Variants in GPHN observed in about 807,000 individuals in gnomAD.
GPHN encodes the protein gephyrin.
Under a neutral mutation model 95.5 loss-of-function variants are expected in GPHN, and 17 were observed. The ratio of observed to expected loss-of-function variants is 0.18; its 90% CI spans 0.12 to 0.27. The LOEUF is 0.27. Ranked by LOEUF, GPHN falls within the 10% of genes least tolerant of loss-of-function variation. The pLI, the probability that GPHN is intolerant of heterozygous loss-of-function variation, is 1.00. For synonymous variants in GPHN, 320 were observed against 322.5 expected (o/e 0.99, Z 0.08); for missense variants, 660 against 978.1 (o/e 0.67, Z 4.34).
At chr14:67,008,182 T>C (rs2072732840) in intron 9 of GPHN, among the ~76,000 whole-genome samples, 1 of 152,074 alleles carries the variant, frequency 6.6e-6, no homozygotes, top group East Asian at 1.9e-4. Context: ...CGACCAGGCG[T>C]GGTGGCTCAT....
intron 4 of GPHN, among the ~76,000 whole-genome samples, chr14:66,829,016 C>T (rs1353943406): frequency 1.3e-5 from 2 of 151,102 alleles, no homozygotes; most frequent in Admixed American, 6.6e-5. Flanking sequence ...TGATAATTCT[C>T]ACTCATCAAC....
At chr14:67,114,552 T>C (rs536271544) in intron 16 of GPHN, among the ~76,000 whole-genome samples, 1 of 152,116 alleles carries the variant, frequency 6.6e-6, no homozygotes, top group South Asian at 2.1e-4. Context: ...TAGCTATGCA[T>C]GGTAGCACAT....
intron 1 of GPHN, among the ~76,000 whole-genome samples, chr14:66,593,491 C>G (rs893857877): frequency 1.3e-5 from 2 of 151,884 alleles, no homozygotes; most frequent in East Asian, 1.9e-4. Context: ...GGAAGAGCCC[C>G]TTATAAAACC....
chr14:67,057,416 G>GGA (rs1555477502), intron 10 of GPHN, among the ~76,000 whole-genome samples: 2 of 151,054 alleles, frequency 1.3e-5, no homozygotes, highest in East Asian at 4.1e-4. Context: ...ATGGGTGGGG[G>GGA]GGGCAACAGC....
chr14:67,279,255 C>T, the GPHN span: 132 of 1,613,750 alleles, frequency 8.2e-5, no homozygotes, highest in Middle Eastern at 1.5e-3. Flanking sequence ...ACCAGAGGAA[C>T]ATCAGAAGCA....
chr14:66,928,014 T>C (rs1025943358), intron 8 of GPHN, among the ~76,000 whole-genome samples: 1 of 152,210 alleles, frequency 6.6e-6, no homozygotes, highest in Admixed American at 6.5e-5. Flanking sequence ...TGATGTGTCT[T>C]TGTCTGGTTT....
At chr14:66,525,551 A>T (rs942152703) in intron 1 of GPHN, among the ~76,000 whole-genome samples, 19 of 152,038 alleles carry the variant, frequency 1.2e-4, no homozygotes, top group Admixed American at 6.6e-5. Flanking sequence ...GGTGTTTTAG[A>T]CATGAAGTCT....
At chr14:67,558,076 T>C in the GPHN span, among the ~76,000 whole-genome samples, 1 of 152,222 alleles carries the variant, frequency 6.6e-6, no homozygotes, top group African/African-American at 2.4e-5. Flanking sequence ...TCAGCTCCAC[T>C]TGGCACCTTT....
intron 12 of GPHN, among the ~76,000 whole-genome samples, chr14:67,090,815 C>G (rs1346152651): frequency 6.6e-6 from 1 of 151,924 alleles, no homozygotes; most frequent in Non-Finnish European, 1.5e-5. Flanking sequence ...CTTTGAGCAG[C>G]TCACTTAAAT....
At chr14:66,916,174 C>A in intron 6 of GPHN, 105 bp downstream of exon 6, 1 of 741,264 alleles carries the variant, frequency 1.3e-6, no homozygotes, top group South Asian at 1.4e-5. Context: ...GCCCTCACAT[C>A]TGATACCAAT....
intron 12 of GPHN, among the ~76,000 whole-genome samples, chr14:67,095,966 C>CAAAAAAAAAAAAAAA: frequency 3.0e-5 from 2 of 67,080 alleles, no homozygotes; most frequent in Admixed American, 1.4e-4. Context: ...AAGAAAAAGG[C>CAAAAAAAAAAAAAAA]AAAAAAAAAA....
chr14:67,380,942 A>T, the GPHN span, among the ~76,000 whole-genome samples: 1 of 152,212 alleles, frequency 6.6e-6, no homozygotes, highest in Non-Finnish European at 1.5e-5. Flanking sequence ...TAAAATTTAT[A>T]TATTGACACA....
At chr14:67,458,420 C>T in the GPHN span, among the ~76,000 whole-genome samples, 26 of 152,118 alleles carry the variant, frequency 1.7e-4, no homozygotes, top group African/African-American at 6.0e-4. Flanking sequence ...GCCGGGTGCT[C>T]GGGATACCAC....
intron 18 of GPHN, among the ~76,000 whole-genome samples, chr14:67,147,319 C>A (rs2080956885): frequency 6.6e-6 from 1 of 152,158 alleles, no homozygotes; most frequent in Non-Finnish European, 1.5e-5. Flanking sequence ...CTGTTTCGGG[C>A]ATAAACTATT....
intron 1 of GPHN, among the ~76,000 whole-genome samples, chr14:66,563,518 A>C (rs989400773): frequency 2.6e-5 from 4 of 152,178 alleles, no homozygotes; most frequent in Non-Finnish European, 4.4e-5. Context: ...TCACATGTTC[A>C]TTCAGCCAGA....
At chr14:66,532,434 G>C (rs1456175663) in intron 1 of GPHN, among the ~76,000 whole-genome samples, 1 of 152,184 alleles carries the variant, frequency 6.6e-6, no homozygotes, top group African/African-American at 2.4e-5. Context: ...GCCAGGCCAA[G>C]GGATAGGCCT....
At chr14:67,381,462 A>C in the GPHN span, 1,290 of 469,498 alleles carry the variant, frequency 2.7e-3, no homozygotes, top group East Asian at 7.0e-3. Context: ...TAAATAAGGA[A>C]CTGCAGTATA....
At chr14:67,352,481 T>C in the GPHN span, among the ~76,000 whole-genome samples, 17 of 150,650 alleles carry the variant, frequency 1.1e-4, no homozygotes, top group African/African-American at 2.2e-4. Flanking sequence ...CATGCGGTAG[T>C]ACATGCTACA....
chr14:67,142,944 C>G (rs1056940289), intron 17 of GPHN: 1 of 240,796 alleles, frequency 4.2e-6, no homozygotes, highest in African/African-American at 2.3e-5. Flanking sequence ...CTAAGACATT[C>G]TCTCTAAAGA....
Sources: allele counts gnomAD v4.1 joint callset (sites outside exome capture counted in the v4.1 genomes callset), GRCh38; gene constraint gnomAD v4.1.1; transcripts MANE v1.5; gene names NCBI Gene and HGNC (gene_info 2026-07-23, HGNC 2026-07-21).